Variants in LRRC4C observed in about 807,000 individuals in gnomAD.
The protein encoded by LRRC4C is leucine-rich repeat-containing protein 4C.
Under a neutral mutation model 33.6 loss-of-function variants are expected in LRRC4C, and 5 were observed. The observed-to-expected ratio is 0.15, with a 90% CI of 0.08 to 0.31. The LOEUF (loss-of-function observed/expected upper bound fraction) is 0.31. Among genes scored for constraint, LRRC4C ranks in the 10% least tolerant of loss-of-function variants. LRRC4C has a pLI of 1.00. For synonymous variants in LRRC4C, 329 were observed against 302.0 expected (o/e 1.09, Z -0.93); for missense variants, 560 against 796.7 (o/e 0.70, Z 3.58).
chr11:40,678,022 T>A (rs1212430823), intron 2 of LRRC4C, among the ~76,000 whole-genome samples: 1 of 152,084 alleles, frequency 6.6e-6, no homozygotes, highest in Non-Finnish European at 1.5e-5. Context: ...AGAGTACCAA[T>A]GTCTTCCTTC....
chr11:40,494,005 C>T (rs563866210), intron 3 of LRRC4C, among the ~76,000 whole-genome samples: 4 of 152,218 alleles, frequency 2.6e-5, no homozygotes, highest in Non-Finnish European at 5.9e-5. Flanking sequence ...AGGAAGATGA[C>T]ATCAGGGAAT....
intron 2 of LRRC4C, among the ~76,000 whole-genome samples, chr11:40,931,346 A>G (rs925642557): frequency 2.0e-5 from 3 of 152,168 alleles, no homozygotes; most frequent in Non-Finnish European, 2.9e-5. Flanking sequence ...TTTCTTAGAA[A>G]TAATTTAATC....
At chr11:40,710,625 G>A (rs1437973968) in intron 2 of LRRC4C, among the ~76,000 whole-genome samples, 1 of 152,140 alleles carries the variant, frequency 6.6e-6, no homozygotes, top group Non-Finnish European at 1.5e-5. Context: ...GGTGTCTGTT[G>A]GCCCCTACTG....
chr11:41,302,023 A>C (rs980351630), intron 1 of LRRC4C, among the ~76,000 whole-genome samples: 3 of 152,216 alleles, frequency 2.0e-5, no homozygotes, highest in African/African-American at 7.2e-5. Context: ...ATTTCAGAAA[A>C]TTTAACCTTG....
At chr11:41,137,232 A>T (rs1661560259) in intron 1 of LRRC4C, among the ~76,000 whole-genome samples, 1 of 151,772 alleles carries the variant, frequency 6.6e-6, no homozygotes, top group Non-Finnish European at 1.5e-5. Flanking sequence ...ACAGTGCAAG[A>T]CTCAGTCTCC....
Position 41,092,075 on chromosome 11 carries a change from A to AT in LRRC4C, c.-495-158353dup, listed in dbSNP as rs200674639. On this transcript the variant is annotated intron_variant, in intron 1 of 6. Coordinates refer to ENST00000528697, the MANE Select transcript of LRRC4C (RefSeq NM_001258419.2). ...TATCACCATTTTCATTATTTTAAGT[A>AT]TTTTTTTACAATAAAAACGTATTAT... 8.1e-3 allele frequency among the ~76,000 whole-genome samples: 1,230 copies of AT among 152,202 alleles called. 24 individuals carry two copies. The highest frequency in any genetic ancestry group is 0.028 in the African/African-American group (1,175 of 41,550).
chr11:41,406,784 TTAG>T (rs1334653968), intron 1 of LRRC4C, among the ~76,000 whole-genome samples: 2 of 149,020 alleles, frequency 1.3e-5, no homozygotes, highest in East Asian at 3.9e-4. Flanking sequence ...ACTTAGGCAC[TTAG>T]TGTAGTAGTA....
At chr11:40,214,328 C>T (rs181634871) in intron 5 of LRRC4C, among the ~76,000 whole-genome samples, 3 of 152,188 alleles carry the variant, frequency 2.0e-5, no homozygotes, top group Non-Finnish European at 2.9e-5. Flanking sequence ...TCCATTCTTG[C>T]GAGACTGTCT....
intron 2 of LRRC4C, among the ~76,000 whole-genome samples, chr11:40,745,855 T>C (rs1487705590): frequency 1.3e-5 from 2 of 152,168 alleles, no homozygotes; most frequent in East Asian, 3.9e-4. Context: ...GCGTTATGAA[T>C]CAAAAAGAAT....
intron 1 of LRRC4C, among the ~76,000 whole-genome samples, chr11:41,423,384 C>A (rs996675093): frequency 2.6e-5 from 4 of 152,024 alleles, no homozygotes; most frequent in African/African-American, 9.7e-5. Flanking sequence ...TTAAACTTTT[C>A]TTGATCCTTA....
intron 2 of LRRC4C, among the ~76,000 whole-genome samples, chr11:40,786,502 T>A (rs1424178271): frequency 6.6e-6 from 1 of 152,158 alleles, no homozygotes; most frequent in African/African-American, 2.4e-5. Context: ...CCTCAGCCAA[T>A]GTGTAGAAGT....
chr11:40,726,624 T>A (rs145730029), intron 2 of LRRC4C, among the ~76,000 whole-genome samples: 268 of 152,226 alleles, frequency 1.8e-3, no homozygotes, highest in African/African-American at 6.4e-3. Flanking sequence ...ATAAGAGGCA[T>A]CTTGGCCAAG....
chr11:41,122,086 T>C (rs1465189020), intron 1 of LRRC4C, among the ~76,000 whole-genome samples: 1 of 152,056 alleles, frequency 6.6e-6, no homozygotes, highest in East Asian at 1.9e-4. Context: ...GCTGGGAAGC[T>C]GGAGAGATGC....
At chr11:40,258,019 T>G (rs1867359778) in intron 4 of LRRC4C, among the ~76,000 whole-genome samples, 1 of 152,212 alleles carries the variant, frequency 6.6e-6, no homozygotes, top group African/African-American at 2.4e-5. Context: ...TCTTCGAAAT[T>G]TCTAAAATTA....
At chr11:40,503,648 A>G (rs1291321318) in intron 3 of LRRC4C, among the ~76,000 whole-genome samples, 1 of 152,218 alleles carries the variant, frequency 6.6e-6, no homozygotes, top group East Asian at 1.9e-4. Context: ...TGACAGGAAC[A>G]AGGATGTTCT....
At chr11:41,054,537 T>A (rs1038898191) in intron 1 of LRRC4C, among the ~76,000 whole-genome samples, 2 of 152,322 alleles carry the variant, frequency 1.3e-5, no homozygotes, top group South Asian at 4.1e-4. Context: ...TCTGACAAGA[T>A]GCAAAAAGAA....
rs149368272 is a variant in LRRC4C at position 40,563,215 on chromosome 11, A to T, written c.-270+84927T>A. Among the ~76,000 whole-genome samples, 73 of 152,294 alleles carry T rather than the reference A, an allele frequency of 4.8e-4. 2 individuals are homozygous for T. The East Asian group carries it at 0.013, about 27-fold the overall frequency. On this transcript the variant is annotated intron_variant, in intron 3 of 6. Transcript: ENST00000528697. The stretch of plus-strand genomic sequence containing the variant: ...ACATACATAGCAAGGACATAGACTG[A>T]GATGAGTTTTTGGGATCCTCATCAC...
chr11:41,407,301 C>CTT (rs552180859), intron 1 of LRRC4C, among the ~76,000 whole-genome samples: 25 of 133,302 alleles, frequency 1.9e-4, no homozygotes, highest in South Asian at 2.4e-4. Flanking sequence ...TGAATTTTTC[C>CTT]TTTTTTTTTT....
At chr11:40,665,887 G>T (rs1943780887) in intron 2 of LRRC4C, among the ~76,000 whole-genome samples, 2 of 151,892 alleles carry the variant, frequency 1.3e-5, no homozygotes, top group Non-Finnish European at 2.9e-5. Context: ...TAATAGAATA[G>T]AATACAATAT....
Sources: allele counts gnomAD v4.1 joint callset (sites outside exome capture counted in the v4.1 genomes callset), GRCh38; gene constraint gnomAD v4.1.1; transcripts MANE v1.5; gene names NCBI Gene and HGNC (gene_info 2026-07-23, HGNC 2026-07-21).